Variants in COL16A1 observed in about 807,000 individuals in gnomAD.
COL16A1 encodes collagen alpha-1(XVI) chain.
Under a neutral mutation model 266.3 loss-of-function variants are expected in COL16A1, and 189 were observed. That is an observed-to-expected ratio of 0.71 (90% confidence interval 0.63 to 0.80). The LOEUF is 0.80. COL16A1 is among the 30% of genes least tolerant of loss of function. The pLI is 0.00. For missense variants in COL16A1, 1,928 were observed against 2,122.4 expected (o/e 0.91, Z 1.80); for synonymous variants, 740 against 782.3 (o/e 0.95, Z 0.90).
chr1:31,692,981 G>T, intron 13 of COL16A1, 111 bp downstream of exon 13: 2 of 968,198 alleles, frequency 2.1e-6, no homozygotes, highest in South Asian at 1.4e-5. Flanking sequence ...CCCGTGATCT[G>T]GGCCAAGCTG....
At chr1:31,677,519 T>C (rs1170981255) in intron 42 of COL16A1, among the ~76,000 whole-genome samples, 1 of 152,260 alleles carries the variant, frequency 6.6e-6, no homozygotes, top group Non-Finnish European at 1.5e-5. Context: ...GTTCTACCTG[T>C]TGTCCTACTG....
chr1:31,679,369 A>AT (rs1483573042), intron 42 of COL16A1: 9 of 1,493,340 alleles, frequency 6.0e-6, no homozygotes, highest in Non-Finnish European at 8.1e-6. Flanking sequence ...AGGGTAAGGG[A>AT]TTTTTATCTG....
intron 52 of COL16A1, among the ~76,000 whole-genome samples, chr1:31,667,283 G>A (rs1031459698): frequency 1.3e-5 from 2 of 152,242 alleles, no homozygotes; most frequent in African/African-American, 2.4e-5. Flanking sequence ...GCTCTGGAGG[G>A]TGGCTCTGGG....
chr1:31,654,180 T>C (rs1297381386), intron 68 of COL16A1, 137 bp from the exon 69 acceptor site: 1 of 1,320,660 alleles, frequency 7.6e-7, no homozygotes, highest in African/African-American at 1.5e-5. Context: ...GCAAGGAGTA[T>C]GGGGGTGGGT....
intron 58 of COL16A1, among the ~76,000 whole-genome samples, chr1:31,661,985 A>G (rs1255992029): frequency 1.3e-5 from 2 of 152,170 alleles, no homozygotes; most frequent in Non-Finnish European, 2.9e-5. Flanking sequence ...AAACCCCAGG[A>G]GCCAGGGCTT....
chr1:31,697,773 G>A lies in COL16A1; in HGVS notation c.657+133C>T. On this transcript the variant is annotated intron_variant, in intron 6 of 70. Transcript: ENST00000373672. The surrounding 1 kb of genome is among the most constrained non-coding windows in gnomAD (Gnocchi z 4.2). ...AATGCCAGGTGAATATGTTTAGGCTGCATTTGGAGGGCAACAGGAAAGCAG... is the reference window on the plus strand; with the variant it reads ...AATGCCAGGTGAATATGTTTAGGCTACATTTGGAGGGCAACAGGAAAGCAG... The A allele has an allele frequency of 9.2e-7, 1 of 1,087,030 alleles. No individual in the cohort carries two copies. The highest frequency in any genetic ancestry group is 1.3e-6 in the Non-Finnish European group (1 of 757,234). The allele number at this position is 1,087,030 out of a possible 1,614,324, so 67.3% of individuals were successfully genotyped here. A position where few individuals can be genotyped will look rare whatever the true frequency, so the allele number is the denominator to read the frequency against.
chr1:31,683,054 C>T (rs1455433675), intron 36 of COL16A1, 52 bp from the exon 37 acceptor site: 1 of 1,612,666 alleles, frequency 6.2e-7, no homozygotes, highest in Non-Finnish European at 8.5e-7. Context: ...AAGCCAGCTA[C>T]AACCCAGCAG....
Position 31,657,123 on chromosome 1 carries a change from G to A in COL16A1, c.4021-55C>T. 2 of 1,610,534 alleles carry A rather than the reference G, an allele frequency of 1.2e-6. No individual in the cohort carries two copies. The highest frequency in any genetic ancestry group is 1.7e-6 in the Non-Finnish European group (2 of 1,176,886). ...GGAGCTCCAACCCAGTTTGGTGTCA[G>A]ATGCCTCACTTTGTACATGGGGCAA... is the stretch of plus-strand genomic sequence containing the variant. On this transcript the variant is annotated intron_variant, in intron 64 of 70. Transcript: ENST00000373672. The surrounding 1 kb of genome is among the most constrained non-coding windows in gnomAD (Gnocchi z 6.4).
In COL16A1 at chr1:31,688,686, G is replaced by C; in HGVS notation, c.1767+175C>G. 1 of 1,090,908 alleles carries C rather than the reference G, an allele frequency of 9.2e-7. No homozygotes were observed. Among genetic ancestry groups the C allele is most frequent in the Admixed American group, 2.1e-5 (1 of 46,884 alleles). 67.6% of individuals were successfully genotyped at this position (1,090,908 alleles called of 1,614,324 possible). A position where few individuals can be genotyped will look rare whatever the true frequency, so the allele number is the denominator to read the frequency against. On this transcript the variant is annotated intron_variant, in intron 25 of 70. Coordinates refer to ENST00000373672, the MANE Select transcript of COL16A1 (RefSeq NM_001856.4). This position sits in a 1 kb window ranked among gnomAD's most constrained non-coding sequence, Gnocchi z 4.9. ...TGCTAAGAGGAAGTTCCAGGGCAAG[G>C]AGCCTGGGGCAGCACAGGGACGGAG...
At chr1:31,701,018 A>C (rs1426246521) in intron 2 of COL16A1, among the ~76,000 whole-genome samples, 1 of 152,214 alleles carries the variant, frequency 6.6e-6, no homozygotes, top group Non-Finnish European at 1.5e-5. Context: ...GCCAGAATCA[A>C]AAAGGCCTTC....
At chr1:31,672,900 C>G in intron 44 of COL16A1, 60 bp from the exon 45 acceptor site, 1 of 1,523,054 alleles carries the variant, frequency 6.6e-7, no homozygotes, top group Non-Finnish European at 9.0e-7. Context: ...GATGGGCCAA[C>G]TGGGGAGCCC....
Position 31,684,200 on chromosome 1 carries a change from T to G in COL16A1, c.2192A>C (p.Gln731Pro), listed in dbSNP as rs371779755. The change falls in exon 32 of 71, where the codon CAG becomes CCG. Residue 731 changes from glutamine to proline, a missense_variant. Gln to Pro is a moderately conservative substitution (Grantham distance 76). Around this residue, in one of 2 missense-constraint regions of COL16A1, gnomAD observed 1,552 missense variants for 1,637.2 expected, o/e 0.95. Transcript: ENST00000373672. ...GDGCTACPSL[Q>P]GTVTDMAGRP... is the part of the protein sequence containing the mutation. ...TCCTGCCATGTCTGTCACTGTCCCC[T>G]GCAGGCTGGGGCAGGCAGTGCAGCC... 38 of 1,528,996 alleles carry G rather than the reference T, an allele frequency of 2.5e-5. No individual in the cohort carries two copies. The African/African-American group carries it at 4.1e-4, about 17-fold the overall frequency. The allele number at this position is 1,528,996 out of a possible 1,614,324, so 94.7% of individuals were successfully genotyped here.
chr1:31,658,987 G>T (rs1366131420), intron 62 of COL16A1, 23 bp from the exon 63 acceptor site: 21 of 1,551,776 alleles, frequency 1.4e-5, no homozygotes, highest in Non-Finnish European at 1.7e-5. Flanking sequence ...GAGTCAGTGG[G>T]ATAGAAACAG....
At chr1:31,686,514 T>C (rs910034127) in intron 26 of COL16A1, 10 of 679,312 alleles carry the variant, frequency 1.5e-5, no homozygotes, top group Non-Finnish European at 2.6e-5. Flanking sequence ...CCCTCAGCCA[T>C]GTCTCAGCAC....
Position 31,698,714 on chromosome 1 carries a change from C to A in COL16A1, c.267-108G>T. The A allele has an allele frequency of 2.5e-5, 38 of 1,498,984 alleles. No individual in the cohort carries two copies. Among genetic ancestry groups the A allele is most frequent in the Non-Finnish European group, 3.3e-5 (37 of 1,119,500 alleles). The allele number at this position is 1,498,984 out of a possible 1,614,324, so 92.9% of individuals were successfully genotyped here. On this transcript the variant is annotated intron_variant, in intron 4 of 70. Coordinates refer to ENST00000373672, the MANE Select transcript of COL16A1 (RefSeq NM_001856.4). This position sits in a 1 kb window ranked among gnomAD's most constrained non-coding sequence, Gnocchi z 4.1. Reference sequence around the variant, plus strand: ...CCTACCCAAGACATCCACAGGCACACATCTTCCATCATATACATTCATTCA... The same window carrying A: ...CCTACCCAAGACATCCACAGGCACAAATCTTCCATCATATACATTCATTCA...
At chr1:31,658,699 A>G in intron 63 of COL16A1, 122 bp from the exon 64 acceptor site, 1 of 1,074,676 alleles carries the variant, frequency 9.3e-7, no homozygotes, top group Non-Finnish European at 1.4e-6. Context: ...CACTGCCTGA[A>G]CTTGCAGCAG....
intron 44 of COL16A1, among the ~76,000 whole-genome samples, chr1:31,673,873 C>A (rs1642954474): frequency 1.3e-5 from 2 of 152,222 alleles, no homozygotes; most frequent in Non-Finnish European, 2.9e-5. Context: ...CTTCTCCACA[C>A]TATGCGCACT....
intron 48 of COL16A1, 121 bp downstream of exon 48, chr1:31,671,493 CA>C: frequency 8.4e-7 from 1 of 1,183,672 alleles, no homozygotes; most frequent in Non-Finnish European, 1.2e-6. Context: ...ATGGGGAGGG[CA>C]GTGGAAGTTC....
chr1:31,662,673 C>CGGGGGGGG lies in COL16A1; in HGVS notation c.3556-16_3556-15insCCCCCCCC, dbSNP rs1641787974. 2 of 1,174,524 alleles carry CGGGGGGGG rather than the reference C, an allele frequency of 1.7e-6. No homozygotes were observed. Among genetic ancestry groups the CGGGGGGGG allele is most frequent in the Non-Finnish European group, 2.4e-6 (2 of 836,272 alleles). The allele number at this position is 1,174,524 out of a possible 1,614,324, so 72.8% of individuals were successfully genotyped here. On this transcript the variant is annotated splice_polypyrimidine_tract_variant and intron_variant, in intron 56 of 70. Coordinates refer to ENST00000373672, the MANE Select transcript of COL16A1 (RefSeq NM_001856.4). ...CCTTCGCTGCCCTGGAAACCAGCGC[C>CGGGGGGGG]GCCCCCCCCCCCCGCCCCACAATAA... is the stretch of plus-strand genomic sequence containing the variant.
Sources: gnomAD v4.1 joint callset for allele counts (sites outside exome capture counted in the v4.1 genomes callset) on GRCh38, gnomAD v4.1.1 for gene constraint, gnomAD v4.1.1 regional missense constraint, Gnocchi (gnomAD v3.1) non-coding constraint, MANE v1.5 for transcripts, NCBI Gene and HGNC (gene_info 2026-07-23, HGNC 2026-07-21) for gene names.